MORC1: variants seen among roughly 807,000 people sequenced by gnomAD.
MORC1 encodes the protein MORC family CW-type zinc finger 1, also known as MORC family CW-type zinc finger protein 1.
A neutral mutation model predicts 134.9 loss-of-function variants in MORC1; 59 were observed. The ratio of observed to expected loss-of-function variants is 0.44; its 90% CI spans 0.35 to 0.54. The LOEUF is 0.54. MORC1 is among the 20% of genes least tolerant of loss of function. MORC1 has a pLI of 0.00. For missense variants in MORC1, 947 were observed against 1,134.5 expected (o/e 0.83, Z 2.37); for synonymous variants, 395 against 391.7 (o/e 1.01, Z -0.10).
At chr3:108,963,376 G>C (rs1947132988) in intron 27 of MORC1, 38 bp downstream of exon 27, 1 of 1,543,576 alleles carries the variant, frequency 6.5e-7, no homozygotes, top group African/African-American at 1.4e-5. Context: ...GTTCCATAGA[G>C]TCTACTCCTA....
chr3:109,039,457 G>A (rs1327450426), intron 14 of MORC1, among the ~76,000 whole-genome samples: 3 of 152,156 alleles, frequency 2.0e-5, no homozygotes, highest in Non-Finnish European at 4.4e-5. Flanking sequence ...AGGATTCTGG[G>A]AAGAAGATAG....
chr3:109,110,998 G>C (rs1951153799), intron 2 of MORC1, among the ~76,000 whole-genome samples: 1 of 139,022 alleles, frequency 7.2e-6, no homozygotes, highest in South Asian at 2.3e-4. Context: ...TGTGAAAGAA[G>C]AGATGGAATT....
chr3:109,041,420 G>A (rs1205333043), intron 14 of MORC1, among the ~76,000 whole-genome samples: 1 of 151,584 alleles, frequency 6.6e-6, no homozygotes, highest in Non-Finnish European at 1.5e-5. Context: ...AAAAAATATT[G>A]AATAAAAGTG....
At chr3:109,049,543 C>CA (rs927090242) in intron 14 of MORC1, among the ~76,000 whole-genome samples, 1 of 150,886 alleles carries the variant, frequency 6.6e-6, no homozygotes, top group Non-Finnish European at 1.5e-5. Context: ...CATTAGATTC[C>CA]AAAAAAAAGG....
At chr3:109,030,681 G>C (rs1359421273) in intron 16 of MORC1, among the ~76,000 whole-genome samples, 1 of 152,160 alleles carries the variant, frequency 6.6e-6, no homozygotes, top group Non-Finnish European at 1.5e-5. Context: ...TCAGTTTTCT[G>C]TCAACATGGC....
chr3:109,094,422 G>C (rs566209993), intron 7 of MORC1, among the ~76,000 whole-genome samples: 1 of 152,152 alleles, frequency 6.6e-6, no homozygotes, highest in African/African-American at 2.4e-5. Context: ...TGCATTCGAC[G>C]TGTTGAACAG....
At chr3:109,019,178 C>T (rs61622646) in intron 17 of MORC1, 8,186 of 152,294 alleles carry the variant, frequency 0.054, 516 homozygotes, top group African/African-American at 0.15. Flanking sequence ...ACCAGACAGG[C>T]CTGAGGTCAC....
intron 7 of MORC1, 35 bp from the exon 8 acceptor site, chr3:109,093,576 T>C (rs1054486496): frequency 1.4e-6 from 2 of 1,389,096 alleles, no homozygotes; most frequent in African/African-American, 1.4e-5. Context: ...TTGTCAGTAT[T>C]TTAAATACAC....
At chr3:109,083,451 T>C (rs1950559718) in intron 8 of MORC1, among the ~76,000 whole-genome samples, 1 of 152,012 alleles carries the variant, frequency 6.6e-6, no homozygotes, top group Admixed American at 6.5e-5. Context: ...TCAAAAACAA[T>C]AATATCTACA....
rs1559934559 is a variant in MORC1, at chr3:109,069,765, A to G, written c.690-8T>C. 1 of 1,606,856 alleles carries G rather than the reference A, an allele frequency of 6.2e-7. No individual in the cohort carries two copies. The highest frequency in any genetic ancestry group is 8.5e-7 in the Non-Finnish European group (1 of 1,175,588). ...GACCACCTCGCTGGGAAACTGAAAT[A>G]GAAAATACAAAATGTCACAATACAG... On this transcript the variant is annotated splice_polypyrimidine_tract_variant and splice_region_variant and intron_variant, in intron 8 of 27. Coordinates refer to ENST00000232603, the MANE Select transcript of MORC1 (RefSeq NM_014429.4).
intron 23 of MORC1, among the ~76,000 whole-genome samples, chr3:108,982,089 G>A (rs1045672008): frequency 2.6e-5 from 4 of 152,166 alleles, no homozygotes; most frequent in Admixed American, 2.6e-4. Flanking sequence ...AAAAGTGGGT[G>A]AAGGATATGA....
intron 8 of MORC1, among the ~76,000 whole-genome samples, chr3:109,072,610 AT>A (rs1236113629): frequency 6.6e-6 from 1 of 152,212 alleles, no homozygotes; most frequent in African/African-American, 2.4e-5. Flanking sequence ...GAGGTTCCTT[AT>A]GTATGACGGA....
chr3:109,027,105 C>A (rs1418886969), intron 17 of MORC1, among the ~76,000 whole-genome samples: 1 of 152,166 alleles, frequency 6.6e-6, no homozygotes, highest in African/African-American at 2.4e-5. Flanking sequence ...ACATATGCTA[C>A]AACTGCTATT....
intron 27 of MORC1, among the ~76,000 whole-genome samples, chr3:108,960,482 G>A (rs1164170474): frequency 2.0e-5 from 3 of 152,226 alleles, no homozygotes; most frequent in African/African-American, 7.2e-5. Flanking sequence ...AGAGGTGGAA[G>A]TGGTCCAGTC....
At chr3:109,042,201 C>A (rs901170775) in intron 14 of MORC1, among the ~76,000 whole-genome samples, 2 of 152,034 alleles carry the variant, frequency 1.3e-5, no homozygotes, top group African/African-American at 4.8e-5. Flanking sequence ...GGTAGTTCCT[C>A]AAAAAATTAA....
intron 17 of MORC1, among the ~76,000 whole-genome samples, chr3:109,009,208 T>G (rs1470819096): frequency 2.8e-4 from 25 of 90,614 alleles, no homozygotes; most frequent in Middle Eastern, 7.6e-3. Context: ...TTTTTTGTTG[T>G]TTTTTTTTTT....
chr3:109,043,203 G>A (rs888087448), intron 14 of MORC1, among the ~76,000 whole-genome samples: 61 of 81,906 alleles, frequency 7.4e-4, no homozygotes, highest in Admixed American at 1.4e-3. Context: ...GGGGGGGGGT[G>A]TGTATAACAG....
chr3:109,035,928 C>T (rs1193519167), intron 14 of MORC1, among the ~76,000 whole-genome samples: 1 of 152,100 alleles, frequency 6.6e-6, no homozygotes, highest in Non-Finnish European at 1.5e-5. Flanking sequence ...GGTTCCTTTT[C>T]TCTCCAGTCT....
intron 1 of MORC1, among the ~76,000 whole-genome samples, chr3:109,115,328 AACACACACAC>A (rs58831825): frequency 1.3e-4 from 19 of 148,756 alleles, no homozygotes; most frequent in African/African-American, 2.7e-4. Context: ...GTATTTTTAA[AACACACACAC>A]ACACACACAC....
Sources: gnomAD v4.1 joint callset for allele counts (sites outside exome capture counted in the v4.1 genomes callset) on GRCh38, gnomAD v4.1.1 for gene constraint, MANE v1.5 for transcripts, NCBI Gene and HGNC (gene_info 2026-07-23, HGNC 2026-07-21) for gene names.